MRPL36: variants seen among roughly 807,000 people sequenced by gnomAD.
MRPL36 encodes the protein large ribosomal subunit protein bL36m.
Under a neutral mutation model 2.8 loss-of-function variants are expected in MRPL36, and 1 was observed. That is an observed-to-expected ratio of 0.36 (90% CI 0.13 to 1.69). MRPL36 has a LOEUF of 1.69. Among genes scored for constraint, MRPL36 ranks in the 40% most tolerant of loss-of-function variants. The pLI is 0.35. For synonymous variants in MRPL36, 68 were observed against 54.8 expected (o/e 1.24, Z -1.06); for missense variants, 148 against 132.7 (o/e 1.12, Z -0.57).
upstream of MRPL36, chr5:1,801,242 G>C (rs1225439462): frequency 3.3e-6 from 3 of 908,918 alleles, no homozygotes; most frequent in Non-Finnish European, 4.8e-6. Flanking sequence ...AGATACCTGG[G>C]ATGAAAACGG....
At chr5:1,801,324 A>G (rs867415389), upstream of MRPL36, 4 of 1,510,058 alleles carry the variant, frequency 2.6e-6, no homozygotes, top group Non-Finnish European at 3.5e-6. Context: ...CCCCAGGGCG[A>G]AATAAATACC....
At chr5:1,800,915 C>G (rs1009794866), upstream of MRPL36, among the ~76,000 whole-genome samples, 13 of 152,246 alleles carry the variant, frequency 8.5e-5, no homozygotes, top group Non-Finnish European at 1.3e-4. Flanking sequence ...GTCTCGTCTG[C>G]TAAGCAGTTG....
chr5:1,798,992 C>T (rs1205466437), intron 1 of MRPL36, 45 bp from the exon 2 acceptor site: 4 of 1,430,252 alleles, frequency 2.8e-6, no homozygotes, highest in Non-Finnish European at 3.8e-6. Flanking sequence ...TCCTGCACTT[C>T]CACCTGCTCT....
Position 1,798,602 on chromosome 5 carries a change from C to A in MRPL36, c.*22G>T, listed in dbSNP as rs756275231. ...CAAGTGATGCGATGACGAGTATGTG[C>A]GTGACTCTGGAGGGAAAGGGTCTAC... On this transcript the variant is annotated 3_prime_UTR_variant, in exon 2 of 2. Coordinates refer to ENST00000505059, the MANE Select transcript of MRPL36 (RefSeq NM_032479.4). The A allele has an allele frequency of 5.6e-5, 89 of 1,586,070 alleles. No homozygotes were observed. The highest frequency in any genetic ancestry group is 7.5e-5 in the Non-Finnish European group (87 of 1,158,722).
At chr5:1,799,060 T>C in intron 1 of MRPL36, 113 bp from the exon 2 acceptor site, 1 of 805,404 alleles carries the variant, frequency 1.2e-6, no homozygotes, top group Non-Finnish European at 2.0e-6. Flanking sequence ...CCTCGGGGAC[T>C]GAGGGTGTTC....
upstream of MRPL36, among the ~76,000 whole-genome samples, chr5:1,800,397 G>GT (rs1314983504): frequency 8.5e-5 from 13 of 152,150 alleles, no homozygotes; most frequent in Admixed American, 7.2e-4. Flanking sequence ...GTGTGTCCGG[G>GT]TGAGTTGCAG....
chr5:1,798,989 C>T, intron 1 of MRPL36, 42 bp from the exon 2 acceptor site: 2 of 1,433,468 alleles, frequency 1.4e-6, no homozygotes, highest in Non-Finnish European at 1.9e-6. Flanking sequence ...TTCTCCTGCA[C>T]TTCCACCTGC....
intron 1 of MRPL36, chr5:1,799,175 C>G: frequency 2.1e-6 from 1 of 472,324 alleles, no homozygotes. Flanking sequence ...CCTTTCCCGC[C>G]TGCTGCAAGT....
chr5:1,800,217 A>G (rs920741911), upstream of MRPL36, among the ~76,000 whole-genome samples: 1 of 152,214 alleles, frequency 6.6e-6, no homozygotes, highest in Admixed American at 6.5e-5. Flanking sequence ...AGTAGTTTCA[A>G]CTGGTTACGG....
In MRPL36 at chr5:1,798,470, T is replaced by G; in HGVS notation, c.*154A>C. On this transcript the variant is annotated 3_prime_UTR_variant, in exon 2 of 2. Coordinates refer to ENST00000505059, the MANE Select transcript of MRPL36 (RefSeq NM_032479.4). ...ATAACGCAATGTCTTCTATAGTTAC[T>G]CATTTACACTGAAACGTGATGGGTA... 7.5e-6 allele frequency: 5 copies of G among 667,614 alleles called. No individual in the cohort carries two copies. Among genetic ancestry groups the G allele is most frequent in the Non-Finnish European group, 1.3e-5 (5 of 390,752 alleles). 41.4% of individuals were successfully genotyped at this position (667,614 alleles called of 1,614,324 possible).
chr5:1,800,129 A>G (rs1476932070), upstream of MRPL36, among the ~76,000 whole-genome samples: 1 of 152,234 alleles, frequency 6.6e-6, no homozygotes, highest in African/African-American at 2.4e-5. Flanking sequence ...CAATGTCAAA[A>G]CAAACTGAGA....
At position 1,798,815 on chromosome 5, in the gene MRPL36, C is replaced by A; in HGVS notation, c.121G>T (p.Ala41Ser). 1 of 1,614,098 alleles carries A rather than the reference C, an allele frequency of 6.2e-7. No homozygotes were observed. The highest frequency in any genetic ancestry group is 8.5e-7 in the Non-Finnish European group (1 of 1,180,014). Reference sequence around the variant, plus strand: ...CGCACTGCTGCCCCGGGTTCCACAGCCACGGGGGCTGCACCTCGAATGGAT... The same window carrying A: ...CGCACTGCTGCCCCGGGTTCCACAGACACGGGGGCTGCACCTCGAATGGAT... ...FGSIRGAAPV[A>S]VEPGAAVRSL... is the part of the protein sequence containing the mutation. The change falls in exon 2 of 2, where the codon GCT (alanine) becomes TCT (serine). Residue 41 changes from alanine (A) to serine (S), a missense_variant. By Grantham distance (99) the Ala-to-Ser change is moderately conservative. Transcript: ENST00000505059.
Position 1,798,853 on chromosome 5 carries a change from G to A in MRPL36, c.83C>T (p.Thr28Ile), listed in dbSNP as rs1443520778. 4.3e-6 allele frequency: 7 copies of A among 1,613,694 alleles called. No individual in the cohort carries two copies. In the East Asian group the frequency reaches 1.3e-4, roughly 31 times the overall value. ...RHTVKPRALSTFLFGSIRGAA... is the reference protein window; with the variant it reads ...RHTVKPRALSIFLFGSIRGAA... ...ACCTCGAATGGATCCAAATAGAAAT[G>A]TGGAGAGGGCTCGAGGCTTCACCGT... The change falls in exon 2 of 2, where the codon ACA becomes ATA. Residue 28 changes from threonine to isoleucine, a missense_variant. Transcript: ENST00000505059.
At position 1,798,753 on chromosome 5, in the gene MRPL36, C is replaced by A; in HGVS notation, c.183G>T (p.Leu61=). Residue 61 remains leucine, a synonymous_variant, in exon 2 of 2, where the codon CTG becomes CTT. Coordinates refer to ENST00000505059, the MANE Select transcript of MRPL36 (RefSeq NM_032479.4). ...LLSPGLLPHL[L]PALGFKNKTV... ...TCTTGTTTTTGAACCCCAGCGCAGG[C>A]AGCAGATGGGGCAGGAGGCCGGGTG... 1 of 1,614,030 alleles carries A rather than the reference C, an allele frequency of 6.2e-7. No homozygotes were observed. Among genetic ancestry groups the A allele is most frequent in the Non-Finnish European group, 8.5e-7 (1 of 1,179,958 alleles).
At position 1,798,884 on chromosome 5, in the gene MRPL36, G is replaced by C. The variant is rs755315244; in HGVS notation, c.52C>G (p.Arg18Gly). Residue 18 changes from arginine to glycine, a missense_variant, in exon 2 of 2, where the codon CGT becomes GGT. Coordinates refer to ENST00000505059, the MANE Select transcript of MRPL36 (RefSeq NM_032479.4). Reference sequence around the variant, plus strand: ...AGGGCTCGAGGCTTCACCGTGTGACGACTGAGATAGAGCAGAGGGTTCACC... The same window carrying C: ...AGGGCTCGAGGCTTCACCGTGTGACCACTGAGATAGAGCAGAGGGTTCACC... ...KMVNPLLYLS[R>G]HTVKPRALST... 5 of 1,611,928 alleles carry C rather than the reference G, an allele frequency of 3.1e-6. No homozygotes were observed. In the East Asian group the frequency reaches 8.9e-5, roughly 29 times the overall value.
At chr5:1,799,923 G>C (rs1489354817), upstream of MRPL36, 1 of 151,796 alleles carries the variant, frequency 6.6e-6, no homozygotes, top group Non-Finnish European at 1.5e-5. Context: ...GGGGCGCAGA[G>C]ACGCAGCAGC....
At chr5:1,801,251 G>C (rs890706246), upstream of MRPL36, 14 of 1,004,358 alleles carry the variant, frequency 1.4e-5, no homozygotes, top group Non-Finnish European at 1.8e-5. Flanking sequence ...GGATGAAAAC[G>C]GGTGACCACC....
chr5:1,800,958 G>A (rs990201345), upstream of MRPL36, among the ~76,000 whole-genome samples: 1 of 152,162 alleles, frequency 6.6e-6, no homozygotes, highest in Admixed American at 6.5e-5. Flanking sequence ...ATATTTAAAT[G>A]TCTCATGATT....
In MRPL36 at chr5:1,798,901, G is replaced by A. The variant is rs369869102; in HGVS notation, c.35C>T (p.Pro12Leu). 1.2e-6 allele frequency: 2 copies of A among 1,603,024 alleles called. No individual in the cohort carries two copies. Among genetic ancestry groups the A allele is most frequent in the South Asian group, 1.1e-5 (1 of 90,852 alleles). Residue 12 changes from proline to leucine, a missense_variant, in exon 2 of 2, where the codon CCT (proline) becomes CTT (leucine). Transcript: ENST00000505059. The stretch of plus-strand genomic sequence containing the variant: ...CGTGTGACGACTGAGATAGAGCAGA[G>A]GGTTCACCATTTTCCTTATAAAAAG... The part of the protein sequence containing the change: ...ANLFIRKMVN[P>L]LLYLSRHTVK...
Sources: allele counts gnomAD v4.1 joint callset (sites outside exome capture counted in the v4.1 genomes callset), GRCh38; gene constraint gnomAD v4.1.1; transcripts MANE v1.5; gene names NCBI Gene and HGNC (gene_info 2026-07-23, HGNC 2026-07-21).